CAMSAP1: variants seen among roughly 807,000 people sequenced by gnomAD.
CAMSAP1 encodes the protein calmodulin-regulated spectrin-associated protein 1.
In CAMSAP1, 58 loss-of-function variants were observed where a neutral mutation model predicts 143.5. That is an observed-to-expected ratio of 0.40 (90% CI 0.33 to 0.50). The LOEUF is 0.50. Ranked by LOEUF, CAMSAP1 falls within the 20% of genes least tolerant of loss-of-function variation. The probability of loss-of-function intolerance (pLI) is 0.45; values close to 1 mark genes in which losing one functional copy is unlikely to be tolerated. For synonymous variants in CAMSAP1, 945 were observed against 859.3 expected (o/e 1.10, Z -1.74); for missense variants, 1,969 against 2,115.7 (o/e 0.93, Z 1.36).
At chr9:135,884,000 G>C (rs1445926853) in intron 1 of CAMSAP1, among the ~76,000 whole-genome samples, 1 of 152,152 alleles carries the variant, frequency 6.6e-6, no homozygotes, top group African/African-American at 2.4e-5. Context: ...TTGCCACTAT[G>C]CCCCTCACAC....
intron 16 of CAMSAP1, 43 bp downstream of exon 16, chr9:135,815,053 CT>C: frequency 7.4e-7 from 1 of 1,355,720 alleles, no homozygotes; most frequent in Non-Finnish European, 1.0e-6. Flanking sequence ...TTTATAAACA[CT>C]TTTTATTCCA....
chr9:135,891,693 T>C lies in CAMSAP1; in HGVS notation c.161-8615A>G, dbSNP rs940509164. 5.9e-5 allele frequency among the ~76,000 whole-genome samples: 9 copies of C among 152,040 alleles called. No individual in the cohort carries two copies. In the East Asian group the frequency reaches 1.5e-3, roughly 26 times the overall value. ...ATTATTCAACAAAGAACCAGGAAAA[T>C]GTGACCAATTTTCAAAGGAAGAGAC... On this transcript the variant is annotated intron_variant, in intron 1 of 16. Coordinates refer to ENST00000389532, the MANE Select transcript of CAMSAP1 (RefSeq NM_015447.4).
chr9:135,821,392 G>C lies in CAMSAP1; in HGVS notation c.3269C>G (p.Ala1090Gly). ...SPTGVAGHRK[A>G]PRLGQGRNSR... Reference sequence around the variant, plus strand: ...ATTCCGGCCTTGACCCAGCCGGGGGGCTTTGCGGTGGCCAGCCACGCCCGT... The same window carrying C: ...ATTCCGGCCTTGACCCAGCCGGGGGCCTTTGCGGTGGCCAGCCACGCCCGT... The change falls in exon 11 of 17, where the codon GCC becomes GGC. Residue 1090 changes from alanine to glycine, a missense_variant. Coordinates refer to ENST00000389532, the MANE Select transcript of CAMSAP1 (RefSeq NM_015447.4). The surrounding 1 kb of genome is among the most constrained non-coding windows in gnomAD (Gnocchi z 4.6). 2 of 1,613,890 alleles carry C rather than the reference G, an allele frequency of 1.2e-6. No homozygotes were observed. The highest frequency in any genetic ancestry group is 1.7e-6 in the Non-Finnish European group (2 of 1,179,834).
chr9:135,877,639 C>T (rs561496089), intron 3 of CAMSAP1, among the ~76,000 whole-genome samples: 42 of 152,108 alleles, frequency 2.8e-4, no homozygotes, highest in Admixed American at 2.6e-3. Context: ...GACCCCATCT[C>T]TAATTAAAAA....
At chr9:135,863,416 C>CACG (rs1204090383) in intron 4 of CAMSAP1, among the ~76,000 whole-genome samples, 5 of 152,214 alleles carry the variant, frequency 3.3e-5, no homozygotes, top group Non-Finnish European at 7.3e-5. Context: ...CATTAACAGC[C>CACG]ACGATACAGC....
At position 135,811,631 on chromosome 9, in the gene CAMSAP1, G is replaced by C. The variant is rs752025420; in HGVS notation, c.4507-20C>G. ...CAGCTCCTGTGCAGAGAGAGAAAAG[G>C]GGAAGAGACAAACACTTCAGGGCCA... On this transcript the variant is annotated intron_variant, in intron 16 of 16. Coordinates refer to ENST00000389532, the MANE Select transcript of CAMSAP1 (RefSeq NM_015447.4). This position sits in a 1 kb window ranked among gnomAD's most constrained non-coding sequence, Gnocchi z 4.9. The C allele has an allele frequency of 6.4e-7, 1 of 1,563,314 alleles. No homozygotes were observed. Among genetic ancestry groups the C allele is most frequent in the Non-Finnish European group, 8.7e-7 (1 of 1,152,782 alleles).
intron 7 of CAMSAP1, chr9:135,849,919 T>C: frequency 2.3e-6 from 1 of 430,836 alleles, no homozygotes; most frequent in Non-Finnish European, 4.1e-6. Flanking sequence ...CTTTTAGAGT[T>C]GTGCAATTTT....
intron 1 of CAMSAP1, among the ~76,000 whole-genome samples, chr9:135,898,664 G>A (rs145979831): frequency 6.6e-6 from 1 of 152,236 alleles, no homozygotes; most frequent in Non-Finnish European, 1.5e-5. Context: ...AAAAACCACG[G>A]TGAGATACAA....
chr9:135,862,304 C>T (rs941977893), intron 5 of CAMSAP1, among the ~76,000 whole-genome samples, 163 bp downstream of exon 5: 6 of 151,880 alleles, frequency 4.0e-5, no homozygotes, highest in African/African-American at 1.5e-4. Context: ...AGTATGAGCA[C>T]ATCATCCCCC....
intron 14 of CAMSAP1, among the ~76,000 whole-genome samples, chr9:135,816,723 A>G (rs1281369278): frequency 6.6e-6 from 1 of 152,202 alleles, no homozygotes; most frequent in Non-Finnish European, 1.5e-5. Flanking sequence ...AACACGGCCC[A>G]CAGGTGCACA....
chr9:135,874,520 G>A (rs1837673899), intron 3 of CAMSAP1, among the ~76,000 whole-genome samples: 1 of 150,700 alleles, frequency 6.6e-6, no homozygotes, highest in Non-Finnish European at 1.5e-5. Context: ...CTAATAAAGG[G>A]CATCTATGAA....
rs955376431 is a variant in CAMSAP1, at chr9:135,809,731, G to C, written c.*1578C>G. Reference sequence around the variant, plus strand: ...CTCAGGACTGTGTAACTCAGCACTTGAGAAATCATACAGCCTTTAGTTCCC... The same window carrying C: ...CTCAGGACTGTGTAACTCAGCACTTCAGAAATCATACAGCCTTTAGTTCCC... On this transcript the variant is annotated 3_prime_UTR_variant, in exon 17 of 17. Coordinates refer to ENST00000389532, the MANE Select transcript of CAMSAP1 (RefSeq NM_015447.4). 6.6e-6 allele frequency: 1 copy of C among 152,648 alleles called. No homozygotes were observed. Among genetic ancestry groups the C allele is most frequent in the Non-Finnish European group, 1.5e-5 (1 of 68,042 alleles). 9.5% of individuals were successfully genotyped at this position (152,648 alleles called of 1,614,324 possible).
intron 3 of CAMSAP1, among the ~76,000 whole-genome samples, chr9:135,868,932 A>G (rs760704819): frequency 2.0e-5 from 3 of 152,064 alleles, no homozygotes; most frequent in Non-Finnish European, 4.4e-5. Flanking sequence ...GGCAATATCA[A>G]TGAATGTAAG....
intron 5 of CAMSAP1, among the ~76,000 whole-genome samples, chr9:135,854,171 TG>T (rs1361617918): frequency 2.6e-5 from 4 of 152,218 alleles, no homozygotes; most frequent in African/African-American, 9.6e-5. Context: ...AGTTGGTCCC[TG>T]TGGATGTATG....
In CAMSAP1 at chr9:135,886,699, T is replaced by C. The variant is rs1025479557; in HGVS notation, c.161-3621A>G. On this transcript the variant is annotated intron_variant, in intron 1 of 16. Transcript: ENST00000389532. ...TCAGACAAGCCAGAGGACGAGGAGA[T>C]CCCATCTGCTGGAGCTCCCCGTAAA... is the stretch of plus-strand genomic sequence containing the variant. 9.2e-5 allele frequency among the ~76,000 whole-genome samples: 14 copies of C among 152,006 alleles called. 1 individual carries two copies. Among genetic ancestry groups the C allele is most frequent in the Admixed American group, 6.5e-4 (10 of 15,286 alleles).
At chr9:135,868,575 C>G (rs1035241506) in intron 3 of CAMSAP1, among the ~76,000 whole-genome samples, 1 of 149,644 alleles carries the variant, frequency 6.7e-6, no homozygotes, top group African/African-American at 2.5e-5. Flanking sequence ...AGATAACTTC[C>G]TAACATGTAA....
intron 7 of CAMSAP1, among the ~76,000 whole-genome samples, chr9:135,845,101 G>A (rs938070392): frequency 5.3e-5 from 8 of 152,082 alleles, no homozygotes; most frequent in Non-Finnish European, 8.8e-5. Context: ...GATGAACATC[G>A]ATGCAAAAAT....
Position 135,822,744 on chromosome 9 carries a change from T to G in CAMSAP1, c.1917A>C (p.Lys639Asn), listed in dbSNP as rs758392872. 1 of 1,612,554 alleles carries G rather than the reference T, an allele frequency of 6.2e-7. No individual in the cohort carries two copies. ...TATTCAAGTCGCGACTGCCAGTCATTTTCCTTCGTACCAAAGGCTGGGGGC... is the reference window on the plus strand; with the variant it reads ...TATTCAAGTCGCGACTGCCAGTCATGTTCCTTCGTACCAAAGGCTGGGGGC... The part of the protein sequence containing the change: ...SEGPQPLVRR[K>N]MTGSRDLNRT... Residue 639 changes from lysine to asparagine, a missense_variant, in exon 11 of 17, where the codon AAA (lysine) becomes AAC (asparagine). Around this residue, in one of 4 missense-constraint regions of CAMSAP1, gnomAD observed 1,390 missense variants for 1,420.8 expected, o/e 0.98. Transcript: ENST00000389532. This position sits in a 1 kb window ranked among gnomAD's most constrained non-coding sequence, Gnocchi z 6.1.
Position 135,818,621 on chromosome 9 carries a change from G to A in CAMSAP1, c.3960-5C>T. ...CGGTCTTCCTCAGCTTTGCGCCTGA[G>A]AGAAACACACGCCCAGACACTGCTC... is the stretch of plus-strand genomic sequence containing the variant. On this transcript the variant is annotated splice_region_variant and splice_polypyrimidine_tract_variant and intron_variant, in intron 12 of 16. Coordinates refer to ENST00000389532, the MANE Select transcript of CAMSAP1 (RefSeq NM_015447.4). This position sits in a 1 kb window ranked among gnomAD's most constrained non-coding sequence, Gnocchi z 7.7. 4 of 1,612,674 alleles carry A rather than the reference G, an allele frequency of 2.5e-6. No homozygotes were observed. Among genetic ancestry groups the A allele is most frequent in the Non-Finnish European group, 3.4e-6 (4 of 1,179,624 alleles).
Sources: allele counts gnomAD v4.1 joint callset (sites outside exome capture counted in the v4.1 genomes callset), GRCh38; gene constraint gnomAD v4.1.1; regional missense constraint gnomAD v4.1.1; non-coding constraint Gnocchi (gnomAD v3.1); transcripts MANE v1.5; gene names NCBI Gene and HGNC (gene_info 2026-07-23, HGNC 2026-07-21).